Variants in FOXJ3 observed in about 807,000 individuals in gnomAD.
FOXJ3 encodes forkhead box J3, also known as forkhead box protein J3.
In FOXJ3, 22 loss-of-function variants were observed where a neutral mutation model predicts 76.1. That is an observed-to-expected ratio of 0.29 (90% CI 0.21 to 0.41). The LOEUF is 0.41. Ranked by LOEUF, FOXJ3 falls within the 10% of genes least tolerant of loss-of-function variation. FOXJ3 has a pLI of 1.00. For missense variants in FOXJ3, 613 were observed against 762.1 expected (o/e 0.80, Z 2.30); for synonymous variants, 269 against 261.2 (o/e 1.03, Z -0.29).
intron 1 of FOXJ3, among the ~76,000 whole-genome samples, chr1:42,334,654 C>G (rs998662567): frequency 6.6e-6 from 1 of 152,214 alleles, no homozygotes; most frequent in Admixed American, 6.5e-5. Flanking sequence ...GGGAAGAAGC[C>G]GCAGAGTGCC....
At chr1:42,187,067 C>T (rs531707525) in intron 11 of FOXJ3, among the ~76,000 whole-genome samples, 8 of 152,254 alleles carry the variant, frequency 5.3e-5, no homozygotes, top group African/African-American at 1.9e-4. Context: ...AGGCTGGTCT[C>T]GAACTCTTGA....
chr1:42,251,309 G>A (rs1171386711), intron 4 of FOXJ3, among the ~76,000 whole-genome samples: 5 of 152,130 alleles, frequency 3.3e-5, no homozygotes. Flanking sequence ...TGAATATATT[G>A]AAAACTCGGA....
At chr1:42,311,554 T>C (rs1421421077) in intron 1 of FOXJ3, among the ~76,000 whole-genome samples, 4 of 152,238 alleles carry the variant, frequency 2.6e-5, no homozygotes, top group East Asian at 1.9e-4. Context: ...CCAAATCTAT[T>C]CTTCCATCAA....
chr1:42,226,339 C>T (rs1040245887), intron 5 of FOXJ3, among the ~76,000 whole-genome samples: 17 of 152,124 alleles, frequency 1.1e-4, no homozygotes, highest in Admixed American at 3.3e-4. Flanking sequence ...TGGCCGGGCA[C>T]GGCGGGTCAC....
intron 3 of FOXJ3, among the ~76,000 whole-genome samples, chr1:42,276,768 TCA>T (rs1427698435): frequency 6.6e-6 from 1 of 152,196 alleles, no homozygotes; most frequent in African/African-American, 2.4e-5. Flanking sequence ...AACCGAAGAA[TCA>T]CAGTTAACAT....
chr1:42,305,709 C>T (rs1461926196), intron 2 of FOXJ3, among the ~76,000 whole-genome samples: 1 of 152,048 alleles, frequency 6.6e-6, no homozygotes, highest in African/African-American at 2.4e-5. Flanking sequence ...TTACCAGAGG[C>T]TGGGAAGGGT....
intron 4 of FOXJ3, among the ~76,000 whole-genome samples, chr1:42,252,866 G>A (rs1376817304): frequency 6.6e-6 from 1 of 150,812 alleles, no homozygotes; most frequent in Non-Finnish European, 1.5e-5. Context: ...ATACTGAATG[G>A]GCAAAAACTG....
At chr1:42,300,196 T>C (rs980759516) in intron 2 of FOXJ3, among the ~76,000 whole-genome samples, 2 of 151,900 alleles carry the variant, frequency 1.3e-5, no homozygotes, top group African/African-American at 2.4e-5. Context: ...CAAGACTCTG[T>C]CTCAAAAAAA....
intron 11 of FOXJ3, among the ~76,000 whole-genome samples, chr1:42,184,794 C>A (rs344184): frequency 0.3 from 44,812 of 151,768 alleles, 7,336 homozygotes; most frequent in African/African-American, 0.44. Context: ...TGAGGAAAAA[C>A]AACGGAACAA....
At chr1:42,295,648 C>T (rs769648934) in intron 2 of FOXJ3, among the ~76,000 whole-genome samples, 1 of 151,224 alleles carries the variant, frequency 6.6e-6, no homozygotes, top group Admixed American at 6.6e-5. Flanking sequence ...CCTGCCTCTG[C>T]CTCTCAATTA....
intron 4 of FOXJ3, among the ~76,000 whole-genome samples, chr1:42,239,937 T>C (rs1648991313): frequency 6.6e-6 from 1 of 152,224 alleles, no homozygotes; most frequent in African/African-American, 2.4e-5. Flanking sequence ...TCTTTAGTAA[T>C]TATTCTCCAC....
At position 42,195,238 on chromosome 1, in the gene FOXJ3, TA is replaced by T. The variant is rs766138651; in HGVS notation, c.760-175del. Reference sequence around the variant, plus strand: ...CATAATGGACAGAAAGCAAAACAGCTAAACTGAATCTTGAAGAACTGTAGAA... The same window carrying T: ...CATAATGGACAGAAAGCAAAACAGCTAACTGAATCTTGAAGAACTGTAGAA... On this transcript the variant is annotated intron_variant, in intron 7 of 12. Transcript: ENST00000361346. Among the ~76,000 whole-genome samples the T allele has an allele frequency of 4.1e-4, 63 of 152,316 alleles. 1 individual carries two copies. The highest frequency in any genetic ancestry group is 6.2e-4 in the South Asian group (3 of 4,830).
intron 11 of FOXJ3, among the ~76,000 whole-genome samples, chr1:42,187,273 T>A (rs980291667): frequency 2.0e-5 from 3 of 152,262 alleles, no homozygotes; most frequent in Non-Finnish European, 2.9e-5. Context: ...CATAAGCTAT[T>A]TAATTTCACT....
At chr1:42,264,438 A>G (rs1219899268) in intron 4 of FOXJ3, among the ~76,000 whole-genome samples, 1 of 152,172 alleles carries the variant, frequency 6.6e-6, no homozygotes. Flanking sequence ...AAAAACAAAT[A>G]TAAGAAGTCT....
intron 5 of FOXJ3, among the ~76,000 whole-genome samples, chr1:42,221,151 C>G (rs781236330): frequency 6.6e-6 from 1 of 152,108 alleles, no homozygotes; most frequent in African/African-American, 2.4e-5. Context: ...ATGGCAAAAT[C>G]ACATGTCATG....
At chr1:42,190,090 G>A (rs528763135) in intron 9 of FOXJ3, among the ~76,000 whole-genome samples, 4 of 152,316 alleles carry the variant, frequency 2.6e-5, no homozygotes, top group Middle Eastern at 3.4e-3. Context: ...GTATCCTCTG[G>A]TATGACATCA....
At chr1:42,189,468 A>G in intron 9 of FOXJ3, 64 bp from the exon 10 acceptor site, 2 of 1,126,186 alleles carry the variant, frequency 1.8e-6, no homozygotes, top group Non-Finnish European at 1.3e-6. Context: ...GTAAGGGAAA[A>G]CGATGAGCTG....
chr1:42,189,574 C>G (rs539240893), intron 9 of FOXJ3, 170 bp from the exon 10 acceptor site: 3 of 527,312 alleles, frequency 5.7e-6, no homozygotes, highest in Non-Finnish European at 1.0e-5. Flanking sequence ...GTGAGACAGG[C>G]AGAAAGGTAT....
At chr1:42,264,268 T>C (rs1336262099) in intron 4 of FOXJ3, among the ~76,000 whole-genome samples, 1 of 151,872 alleles carries the variant, frequency 6.6e-6, no homozygotes, top group African/African-American at 2.4e-5. Flanking sequence ...TTGAATGAGG[T>C]GAATTATAGC....
Sources: allele counts gnomAD v4.1 joint callset (sites outside exome capture counted in the v4.1 genomes callset), GRCh38; gene constraint gnomAD v4.1.1; transcripts MANE v1.5; gene names NCBI Gene and HGNC (gene_info 2026-07-23, HGNC 2026-07-21).